FHOD3: variants seen among roughly 807,000 people sequenced by gnomAD.
The protein encoded by FHOD3 is formin homology 2 domain containing 3.
A neutral mutation model predicts 173.0 loss-of-function variants in FHOD3; 90 were observed. The observed-to-expected ratio is 0.52, with a 90% CI of 0.44 to 0.62. The LOEUF is 0.62. FHOD3 is among the 20% of genes least tolerant of loss of function. FHOD3 has a pLI of 0.00. For synonymous variants in FHOD3, 828 were observed against 823.0 expected (o/e 1.01, Z -0.10); for missense variants, 1,945 against 2,034.7 (o/e 0.96, Z 0.85).
At chr18:36,344,918 T>C (rs1996141) in intron 1 of FHOD3, among the ~76,000 whole-genome samples, 116,303 of 152,182 alleles carry the variant, frequency 0.76, 44,629 homozygotes, top group Middle Eastern at 0.84. Flanking sequence ...AGGCAGGAAA[T>C]ATTACTAGAG....
At chr18:36,512,108 C>T (rs769068125) in intron 4 of FHOD3, among the ~76,000 whole-genome samples, 1 of 152,216 alleles carries the variant, frequency 6.6e-6, no homozygotes, top group African/African-American at 2.4e-5. Flanking sequence ...CGTGGCCAGT[C>T]CCTTGGGACC....
chr18:36,496,667 A>C (rs2054759715), intron 3 of FHOD3, among the ~76,000 whole-genome samples: 1 of 152,202 alleles, frequency 6.6e-6, no homozygotes, highest in East Asian at 1.9e-4. Flanking sequence ...CCTTTAAATA[A>C]ATATTTTGTT....
chr18:36,500,716 G>A (rs1215772288), intron 3 of FHOD3, among the ~76,000 whole-genome samples: 1 of 152,196 alleles, frequency 6.6e-6, no homozygotes, highest in Non-Finnish European at 1.5e-5. Flanking sequence ...TACCAGGTTT[G>A]GAATGCAGGC....
chr18:36,529,954 A>G (rs983748810), intron 5 of FHOD3, among the ~76,000 whole-genome samples: 4 of 152,002 alleles, frequency 2.6e-5, no homozygotes, highest in African/African-American at 9.7e-5. Flanking sequence ...TGAGGGTTCC[A>G]GGAACACTGC....
intron 27 of FHOD3, among the ~76,000 whole-genome samples, chr18:36,766,416 TTATGGTC>T (rs1335359497): frequency 3.3e-5 from 5 of 152,248 alleles, no homozygotes; most frequent in Non-Finnish European, 7.3e-5. Context: ...TATTGTGCTA[TTATGGTC>T]TAGATTGCTT....
intron 3 of FHOD3, among the ~76,000 whole-genome samples, chr18:36,398,805 G>T (rs2048671616): frequency 1.3e-5 from 2 of 152,036 alleles, no homozygotes; most frequent in African/African-American, 4.8e-5. Context: ...CAGGTACATT[G>T]TATGTCTGTG....
intron 28 of FHOD3, chr18:36,779,146 C>G (rs1319792907): frequency 2.5e-6 from 1 of 406,588 alleles, no homozygotes; most frequent in African/African-American, 2.0e-5. Flanking sequence ...TCAGAAGCCT[C>G]GTGAGGGTGA....
chr18:36,523,922 G>T (rs2056392317), intron 5 of FHOD3, among the ~76,000 whole-genome samples: 1 of 152,184 alleles, frequency 6.6e-6, no homozygotes, highest in African/African-American at 2.4e-5. Context: ...AAGGCTATCT[G>T]GTTACATGAC....
chr18:36,631,614 C>T (rs536636216), intron 10 of FHOD3, among the ~76,000 whole-genome samples: 19 of 152,202 alleles, frequency 1.2e-4, no homozygotes, highest in South Asian at 1.0e-3. Flanking sequence ...TATTATGTCA[C>T]GATATAGGTA....
intron 3 of FHOD3, among the ~76,000 whole-genome samples, chr18:36,431,800 C>A (rs2050565793): frequency 6.6e-6 from 1 of 152,102 alleles, no homozygotes; most frequent in South Asian, 2.1e-4. Context: ...TTCCAGAGAA[C>A]CAAGAGTAAC....
At chr18:36,302,175 T>A (rs542707823) in intron 1 of FHOD3, among the ~76,000 whole-genome samples, 24 of 152,356 alleles carry the variant, frequency 1.6e-4, no homozygotes, top group African/African-American at 5.5e-4. Context: ...CCAGGCAGCC[T>A]GTCCACATTT....
At chr18:36,486,531 AG>A (rs2054200947) in intron 3 of FHOD3, among the ~76,000 whole-genome samples, 1 of 152,156 alleles carries the variant, frequency 6.6e-6, no homozygotes, top group Non-Finnish European at 1.5e-5. Context: ...CCCAGCCCAA[AG>A]GATGTTTTAT....
chr18:36,501,884 T>A, intron 3 of FHOD3, 48 bp from the exon 4 acceptor site: 1 of 1,299,668 alleles, frequency 7.7e-7, no homozygotes, highest in Non-Finnish European at 1.1e-6. Context: ...GTTTTCACTG[T>A]CAATAGAGTC....
At chr18:36,420,231 G>A (rs566929256) in intron 3 of FHOD3, among the ~76,000 whole-genome samples, 1 of 152,276 alleles carries the variant, frequency 6.6e-6, no homozygotes, top group South Asian at 2.1e-4. Context: ...AATTGATGGT[G>A]TACACTTGTT....
At chr18:36,766,030 T>G (rs2043124924) in intron 27 of FHOD3, among the ~76,000 whole-genome samples, 1 of 151,308 alleles carries the variant, frequency 6.6e-6, no homozygotes, top group Non-Finnish European at 1.5e-5. Context: ...ATAGACAAAG[T>G]GCTAAAATAA....
intron 25 of FHOD3, 27 bp downstream of exon 25, chr18:36,755,338 A>AT (rs1336776388): frequency 9.4e-6 from 13 of 1,383,434 alleles, no homozygotes; most frequent in Non-Finnish European, 1.1e-5. Context: ...CCCTCTCCTT[A>AT]TGTCATTCGT....
Position 36,718,111 on chromosome 18 carries a change from A to G in FHOD3, c.2813A>G (p.Lys938Arg), listed in dbSNP as rs141108688. The G allele has an allele frequency of 1.3e-4, 216 of 1,601,216 alleles. No homozygotes were observed. The highest frequency in any genetic ancestry group is 1.7e-4 in the Non-Finnish European group (197 of 1,173,390). ...VGCLDNRGSVKAFAEKFNSGD... is the reference protein window; with the variant it reads ...VGCLDNRGSVRAFAEKFNSGD... ...TGTTTGGACAATCGGGGCAGTGTGA[A>G]AGCATTTGCTGAGAAATTCAACAGT... The change falls in exon 19 of 29, where the codon AAA becomes AGA. Residue 938 changes from lysine to arginine, a missense_variant. Physicochemically the swap from Lys to Arg is conservative, Grantham distance 26 (BLOSUM62 2). Transcript: ENST00000590592.
chr18:36,652,993 C>T (rs2036169529), intron 12 of FHOD3, 64 bp downstream of exon 12: 2 of 1,464,622 alleles, frequency 1.4e-6, no homozygotes, highest in Non-Finnish European at 1.8e-6. Flanking sequence ...AGTGTGTTAA[C>T]TGCACCCCTT....
intron 5 of FHOD3, among the ~76,000 whole-genome samples, chr18:36,553,579 G>C (rs571224280): frequency 1.1e-4 from 16 of 152,170 alleles, no homozygotes; most frequent in East Asian, 1.9e-4. Context: ...TTATCCATTT[G>C]TTCTAGACTT....
Sources: allele counts gnomAD v4.1 joint callset (sites outside exome capture counted in the v4.1 genomes callset), GRCh38; gene constraint gnomAD v4.1.1; transcripts MANE v1.5; gene names NCBI Gene and HGNC (gene_info 2026-07-23, HGNC 2026-07-21).